The following MBNL1 variants were observed in gnomAD, a reference collection of about 807,000 sequenced individuals.
The protein encoded by MBNL1 is muscleblind-like protein 1.
MBNL1 carries 8 observed loss-of-function variants against 42.2 expected under a neutral mutation model. That is an observed-to-expected ratio of 0.19 (90% CI 0.11 to 0.34). The LOEUF is 0.34. Ranked by LOEUF, MBNL1 falls within the 10% of genes least tolerant of loss-of-function variation. MBNL1 has a pLI of 1.00. For synonymous variants in MBNL1, 169 were observed against 173.9 expected (o/e 0.97, Z 0.22); for missense variants, 309 against 495.3 (o/e 0.62, Z 3.57).
rs2153990725 is a variant in MBNL1, at chr3:152,464,695, G to A, written c.*2329G>A. 1 of 152,628 alleles carries A rather than the reference G, an allele frequency of 6.6e-6. No individual in the cohort carries two copies. The allele number at this position is 152,628 out of a possible 1,614,324, so 9.5% of individuals were successfully genotyped here. A position where few individuals can be genotyped will look rare whatever the true frequency, so the allele number is the denominator to read the frequency against. On this transcript the variant is annotated 3_prime_UTR_variant, in exon 10 of 10. Coordinates refer to ENST00000324210, the MANE Select transcript of MBNL1 (RefSeq NM_021038.5). ...TAAATAGAACAAGGGACTTTTTGTT[G>A]ATAATCCAAATACTCAAAGTTTACG...
At chr3:152,338,332 C>T (rs2091889502) in intron 2 of MBNL1, 1 of 985,386 alleles carries the variant, frequency 1.0e-6, no homozygotes, top group Non-Finnish European at 1.2e-6. Flanking sequence ...ACTTCCTTAG[C>T]CCTGTCCATT....
At chr3:152,269,548 G>T (rs1463821552) in intron 1 of MBNL1, 3 of 455,094 alleles carry the variant, frequency 6.6e-6, no homozygotes, top group East Asian at 7.0e-5. Context: ...TTTTCATCTG[G>T]GCCAAATATG....
chr3:152,248,638 T>A (rs1292707532), intron 2 of MBNL1, among the ~76,000 whole-genome samples: 2 of 152,060 alleles, frequency 1.3e-5, no homozygotes, highest in Admixed American at 1.3e-4. Context: ...TTATTATACT[T>A]CAAGTTTTAG....
chr3:152,298,340 A>G (rs943728766), intron 1 of MBNL1, among the ~76,000 whole-genome samples: 1 of 152,026 alleles, frequency 6.6e-6, no homozygotes, highest in Non-Finnish European at 1.5e-5. Context: ...TAAAAGTAAA[A>G]ATGCCCTGCT....
chr3:152,321,553 G>A (rs1460944336), intron 2 of MBNL1, among the ~76,000 whole-genome samples: 1 of 152,020 alleles, frequency 6.6e-6, no homozygotes, highest in Non-Finnish European at 1.5e-5. Context: ...GTCTTGAACA[G>A]TGAGCCTCTT....
At chr3:152,364,245 T>C (rs896929641) in intron 2 of MBNL1, among the ~76,000 whole-genome samples, 21 of 152,080 alleles carry the variant, frequency 1.4e-4, no homozygotes, top group African/African-American at 4.8e-4. Flanking sequence ...CCTACATCTT[T>C]TATGTTTAAA....
intron 2 of MBNL1, among the ~76,000 whole-genome samples, chr3:152,306,336 A>T (rs1158684590): frequency 6.6e-6 from 1 of 152,176 alleles, no homozygotes; most frequent in African/African-American, 2.4e-5. Context: ...TGGCGACTCT[A>T]TAGTCATTGG....
At chr3:152,420,376 G>A (rs1044612492) in intron 3 of MBNL1, among the ~76,000 whole-genome samples, 12 of 152,142 alleles carry the variant, frequency 7.9e-5, no homozygotes, top group Non-Finnish European at 1.6e-4. Context: ...GCTCCAGCTG[G>A]CATCTGGTGG....
chr3:152,306,105 T>G (rs1002995681), intron 2 of MBNL1, among the ~76,000 whole-genome samples: 2 of 152,216 alleles, frequency 1.3e-5, no homozygotes, highest in Non-Finnish European at 2.9e-5. Flanking sequence ...ACATTTCTTC[T>G]TTTGTTATCT....
chr3:152,303,247 C>T (rs769114247), intron 2 of MBNL1, among the ~76,000 whole-genome samples: 6 of 151,840 alleles, frequency 4.0e-5, no homozygotes, highest in Non-Finnish European at 8.8e-5. Context: ...TACATGACAA[C>T]GAGGAATGTA....
At chr3:152,391,859 A>G (rs1420599315) in intron 2 of MBNL1, among the ~76,000 whole-genome samples, 2 of 151,822 alleles carry the variant, frequency 1.3e-5, no homozygotes, top group Non-Finnish European at 2.9e-5. Flanking sequence ...TCCCATACCC[A>G]CCCCCATCTC....
intron 2 of MBNL1, among the ~76,000 whole-genome samples, chr3:152,385,031 A>G (rs1375946007): frequency 6.6e-6 from 1 of 152,054 alleles, no homozygotes; most frequent in Non-Finnish European, 1.5e-5. Context: ...TTTTTGTGTA[A>G]CACAAGAGAG....
intron 2 of MBNL1, among the ~76,000 whole-genome samples, chr3:152,314,840 A>G (rs1458607544): frequency 6.6e-6 from 1 of 152,208 alleles, no homozygotes; most frequent in Non-Finnish European, 1.5e-5. Flanking sequence ...AATACAGCCT[A>G]GTCCTATGGC....
chr3:152,249,987 T>G (rs2034240352), intron 2 of MBNL1, among the ~76,000 whole-genome samples: 1 of 148,562 alleles, frequency 6.7e-6, no homozygotes, highest in Non-Finnish European at 1.5e-5. Context: ...TATCTCTGTT[T>G]TGGTACCAGT....
intron 2 of MBNL1, among the ~76,000 whole-genome samples, chr3:152,251,009 T>A (rs1258713258): frequency 3.3e-5 from 5 of 152,094 alleles, no homozygotes; most frequent in African/African-American, 1.2e-4. Flanking sequence ...GTGGGCTTCA[T>A]CCCTGGGATG....
intron 4 of MBNL1, among the ~76,000 whole-genome samples, chr3:152,436,549 C>T (rs1387591488): frequency 1.3e-5 from 2 of 152,152 alleles, no homozygotes; most frequent in African/African-American, 4.8e-5. Flanking sequence ...AAAGCAAACC[C>T]TGAGTTCTTA....
Position 152,338,406 on chromosome 3 carries a change from C to T in MBNL1, c.174+38039C>T, listed in dbSNP as rs550036586. The T allele has an allele frequency of 3.2e-5, 32 of 985,382 alleles. No individual in the cohort carries two copies. The Admixed American group carries it at 1.7e-3, about 53-fold the overall frequency. The allele number at this position is 985,382 out of a possible 1,614,324, so 61.0% of individuals were successfully genotyped here. A position where few individuals can be genotyped will look rare whatever the true frequency, so the allele number is the denominator to read the frequency against. ...CTTGTGAAAGCGGGGAATATTCCTC[C>T]CCCTGCTGCTACAGTTGAGCACCGT... On this transcript the variant is annotated intron_variant, in intron 2 of 9. Transcript: ENST00000324210.
chr3:152,325,385 A>G (rs2079125412), intron 2 of MBNL1, among the ~76,000 whole-genome samples: 2 of 152,072 alleles, frequency 1.3e-5, no homozygotes, highest in Admixed American at 1.3e-4. Flanking sequence ...TTAGTAAGAA[A>G]TGCCTGACAC....
chr3:152,327,353 C>A (rs983005504), intron 2 of MBNL1, among the ~76,000 whole-genome samples: 1 of 150,186 alleles, frequency 6.7e-6, no homozygotes, highest in Non-Finnish European at 1.5e-5. Flanking sequence ...TTCTTTCTTT[C>A]TTTTTTTTTA....
Sources: gnomAD v4.1 joint callset for allele counts (sites outside exome capture counted in the v4.1 genomes callset) on GRCh38, gnomAD v4.1.1 for gene constraint, MANE v1.5 for transcripts, NCBI Gene and HGNC (gene_info 2026-07-23, HGNC 2026-07-21) for gene names.